CECR2: variants seen among roughly 807,000 people sequenced by gnomAD.
CECR2 encodes the protein CECR2 histone acetyl-lysine reader, also known as chromatin remodeling regulator CECR2.
Under a neutral mutation model 154.5 loss-of-function variants are expected in CECR2, and 30 were observed. The ratio of observed to expected loss-of-function variants is 0.19; its 90% CI spans 0.15 to 0.26. CECR2 has a LOEUF of 0.26. CECR2 is among the 10% of genes least tolerant of loss of function. The probability of loss-of-function intolerance (pLI) is 1.00; values close to 1 mark genes in which losing one functional copy is unlikely to be tolerated. For missense variants in CECR2, 1,743 were observed against 1,829.3 expected, an observed-to-expected ratio of 0.95 and a Z score of 0.86; for synonymous variants, 725 against 683.7, an observed-to-expected ratio of 1.06 and a Z score of -0.94.
rs918480782 is a variant in CECR2 at position 17,371,352 on chromosome 22, C to G, written c.126+1443C>G. On this transcript the variant is annotated intron_variant, in intron 1 of 18. Transcript: ENST00000262608. ...AAACAATGTGAGGAAATGTGGGCTT[C>G]TCCACTTTTTAGGAAGAGGTAATAA... Among the ~76,000 whole-genome samples, 47 of 152,204 alleles carry G rather than the reference C, an allele frequency of 3.1e-4. 1 individual carries two copies. Among genetic ancestry groups the G allele is most frequent in the African/African-American group, 9.9e-4 (41 of 41,454 alleles).
At chr22:17,459,756 A>ATCCT in intron 1 of CECR2, among the ~76,000 whole-genome samples, 1 of 152,354 alleles carries the variant, frequency 6.6e-6, no homozygotes, top group East Asian at 1.9e-4. Flanking sequence ...TCTGTTGTGC[A>ATCCT]TCCTTCACTC....
intron 1 of CECR2, among the ~76,000 whole-genome samples, chr22:17,441,561 T>C (rs5992713): frequency 0.01 from 1,594 of 152,224 alleles, 22 homozygotes; most frequent in African/African-American, 0.036. Flanking sequence ...GGAGATTGAC[T>C]AGGGGTTAAA....
chr22:17,442,211 C>T lies in CECR2; in HGVS notation c.127-35377C>T, dbSNP rs540028531. On this transcript the variant is annotated intron_variant, in intron 1 of 18. Coordinates refer to ENST00000262608, the MANE Select transcript of CECR2 (RefSeq NM_001290047.2). Reference sequence around the variant, plus strand: ...TCCGTGTGAAATTCAGAATTTGGTCCCCTTAACACTATTCACTTTGGAGCT... The same window carrying T: ...TCCGTGTGAAATTCAGAATTTGGTCTCCTTAACACTATTCACTTTGGAGCT... Among the ~76,000 whole-genome samples, 81 of 152,162 alleles carry T rather than the reference C, an allele frequency of 5.3e-4. 1 individual carries two copies. Among genetic ancestry groups the T allele is most frequent in the Non-Finnish European group, 1.1e-3 (74 of 68,010 alleles).
intron 1 of CECR2, among the ~76,000 whole-genome samples, chr22:17,448,525 T>A (rs1178112457): frequency 6.6e-6 from 1 of 152,214 alleles, no homozygotes; most frequent in East Asian, 1.9e-4. Context: ...TCTCATAGTA[T>A]TGCTGAGGAT....
chr22:17,402,638 G>A (rs1035529631), intron 1 of CECR2, among the ~76,000 whole-genome samples: 3 of 152,040 alleles, frequency 2.0e-5, no homozygotes, highest in Non-Finnish European at 2.9e-5. Context: ...TATAATCATG[G>A]TAAATTTGTT....
At chr22:17,535,323 A>G (rs978078142) in intron 9 of CECR2, among the ~76,000 whole-genome samples, 1 of 152,118 alleles carries the variant, frequency 6.6e-6, no homozygotes, top group African/African-American at 2.4e-5. Flanking sequence ...ATCTCAAAAA[A>G]AAAAAAATTC....
chr22:17,430,563 CCTT>C (rs1483499411), intron 1 of CECR2, among the ~76,000 whole-genome samples: 2 of 152,072 alleles, frequency 1.3e-5, no homozygotes, highest in Non-Finnish European at 2.9e-5. Flanking sequence ...TTTTCCTTCT[CCTT>C]CTGCCAGCTT....
intron 1 of CECR2, among the ~76,000 whole-genome samples, chr22:17,421,018 T>G (rs1355486135): frequency 1.3e-5 from 2 of 152,208 alleles, no homozygotes; most frequent in African/African-American, 4.8e-5. Flanking sequence ...GAGACATGTA[T>G]AAGTACACAT....
At chr22:17,410,502 C>T (rs921934210) in intron 1 of CECR2, among the ~76,000 whole-genome samples, 1 of 151,962 alleles carries the variant, frequency 6.6e-6, no homozygotes, top group Non-Finnish European at 1.5e-5. Flanking sequence ...GGCTGGAGTG[C>T]AGTGGTGCAG....
intron 2 of CECR2, among the ~76,000 whole-genome samples, chr22:17,488,239 C>T (rs1419702352): frequency 6.6e-6 from 1 of 152,148 alleles, no homozygotes; most frequent in Non-Finnish European, 1.5e-5. Context: ...TAATTTAGAT[C>T]CCTTATAAAC....
At chr22:17,499,024 C>G (rs1033029531) in intron 3 of CECR2, among the ~76,000 whole-genome samples, 3 of 152,168 alleles carry the variant, frequency 2.0e-5, no homozygotes, top group African/African-American at 7.2e-5. Flanking sequence ...GAGTCTCTCT[C>G]TGTCGCCCAG....
intron 2 of CECR2, among the ~76,000 whole-genome samples, chr22:17,483,529 G>A (rs536320165): frequency 5.3e-5 from 8 of 152,146 alleles, no homozygotes; most frequent in South Asian, 2.1e-4. Flanking sequence ...TGAGGTGGGA[G>A]GATCAGGAGT....
intron 1 of CECR2, among the ~76,000 whole-genome samples, chr22:17,447,123 C>A (rs925131150): frequency 4.0e-5 from 6 of 148,248 alleles, no homozygotes; most frequent in Non-Finnish European, 8.9e-5. Context: ...TAAGCTCCGC[C>A]TCCCGGGTTC....
intron 2 of CECR2, among the ~76,000 whole-genome samples, chr22:17,492,608 A>G (rs2055552054): frequency 6.6e-6 from 1 of 152,208 alleles, no homozygotes; most frequent in Non-Finnish European, 1.5e-5. Flanking sequence ...AGAGGTAATT[A>G]AGAGCCAGTC....
At chr22:17,550,254 T>TATCCTGCCTCATC (rs1347075880) in intron 17 of CECR2, 1 of 165,756 alleles carries the variant, frequency 6.0e-6, no homozygotes, top group Non-Finnish European at 1.3e-5. Context: ...TTCAAGCGAT[T>TATCCTGCCTCATC]CTCCTGCCTC....
intron 1 of CECR2, among the ~76,000 whole-genome samples, chr22:17,370,297 G>A (rs2063040183): frequency 6.8e-6 from 1 of 147,996 alleles, no homozygotes; most frequent in Non-Finnish European, 1.5e-5. Flanking sequence ...GCGCGAGCCA[G>A]CTGCTCCGGC....
chr22:17,362,005 G>A (rs1341199784), intron 1 of CECR2, among the ~76,000 whole-genome samples: 1 of 151,898 alleles, frequency 6.6e-6, no homozygotes, highest in Non-Finnish European at 1.5e-5. Flanking sequence ...GGGAATCCTC[G>A]CCTGGAGTCT....
At chr22:17,529,073 G>C (rs975470431) in intron 9 of CECR2, among the ~76,000 whole-genome samples, 1 of 152,144 alleles carries the variant, frequency 6.6e-6, no homozygotes, top group African/African-American at 2.4e-5. Context: ...CACAGCCTGG[G>C]TGATAGAGCA....
intron 1 of CECR2, among the ~76,000 whole-genome samples, chr22:17,382,054 A>ATTTTT (rs10680101): frequency 2.1e-5 from 3 of 146,130 alleles, no homozygotes; most frequent in Non-Finnish European, 4.5e-5. Context: ...CGCCCTGCTA[A>ATTTTT]TTTTTTTTTT....
Sources: gnomAD v4.1 joint callset for allele counts (sites outside exome capture counted in the v4.1 genomes callset) on GRCh38, gnomAD v4.1.1 for gene constraint, MANE v1.5 for transcripts, NCBI Gene and HGNC (gene_info 2026-07-23, HGNC 2026-07-21) for gene names.